Variants in DIP2C observed in about 807,000 individuals in gnomAD.
DIP2C encodes the protein DIP2 acetate--CoA ligase C (putative).
DIP2C carries 33 observed loss-of-function variants against 192.4 expected under a neutral mutation model. The observed-to-expected ratio is 0.17, with a 90% CI of 0.13 to 0.23. The LOEUF (loss-of-function observed/expected upper bound fraction) is 0.23, where lower values mean the gene tolerates loss of function less well. Ranked by LOEUF, DIP2C falls within the 10% of genes least tolerant of loss-of-function variation. The pLI, the probability that DIP2C is intolerant of heterozygous loss-of-function variation, is 1.00. For missense variants in DIP2C, 1,537 were observed against 2,110.1 expected, an observed-to-expected ratio of 0.73 and a Z score of 5.32; for synonymous variants, 979 against 864.1, an observed-to-expected ratio of 1.13 and a Z score of -2.33.
chr10:364,603 C>CA (rs1430592465), intron 19 of DIP2C, 21 bp from the exon 20 acceptor site: 1 of 1,610,168 alleles, frequency 6.2e-7, no homozygotes, highest in East Asian at 2.2e-5. Flanking sequence ...CAGCATCCAT[C>CA]AGGCCACTGT....
At chr10:329,208 G>T (rs538760461) in intron 30 of DIP2C, among the ~76,000 whole-genome samples, 1 of 152,314 alleles carries the variant, frequency 6.6e-6, no homozygotes, top group East Asian at 1.9e-4. Context: ...GACAGGCATT[G>T]AAAATATTTT....
intron 5 of DIP2C, among the ~76,000 whole-genome samples, chr10:421,343 A>G (rs1039713656): frequency 6.6e-6 from 1 of 152,206 alleles, no homozygotes; most frequent in Non-Finnish European, 1.5e-5. Flanking sequence ...GTTCAAAAAT[A>G]TGTGTTTTCC....
At chr10:532,648 TGTGAGAGAGAGTATGGGTGTGA>T (rs1847456659) in intron 1 of DIP2C, among the ~76,000 whole-genome samples, 1 of 99,350 alleles carries the variant, frequency 1.0e-5, no homozygotes, top group African/African-American at 5.2e-5. Flanking sequence ...AGAGTATGGG[TGTGAGAGAGAGTATGGGTGTGA>T]GAGAGAGTAT....
At position 538,526 on chromosome 10, in the gene DIP2C, G is replaced by C. The variant is rs562822748; in HGVS notation, c.86-51996C>G. ...GACTCTTCCAGTCCGGACCGTACAG[G>C]GGCTAGGGTGAGAGAGGGATGGTTC... On this transcript the variant is annotated intron_variant, in intron 1 of 36. Transcript: ENST00000280886. Among the ~76,000 whole-genome samples, 12 of 152,276 alleles carry C rather than the reference G, an allele frequency of 7.9e-5. No individual in the cohort carries two copies. In the South Asian group the frequency reaches 1.2e-3, roughly 16 times the overall value.
intron 1 of DIP2C, among the ~76,000 whole-genome samples, chr10:505,665 CCAGCTGTG>C (rs1845552457): frequency 6.6e-6 from 1 of 150,546 alleles, no homozygotes; most frequent in Non-Finnish European, 1.5e-5. Context: ...AGCCACCTGC[CCAGCTGTG>C]CTTCCTGTGG....
At chr10:546,118 C>T (rs1284673178) in intron 1 of DIP2C, among the ~76,000 whole-genome samples, 2 of 141,794 alleles carry the variant, frequency 1.4e-5, no homozygotes, top group East Asian at 2.0e-4. Flanking sequence ...CCCATCTCTA[C>T]TAAAATAATA....
intron 4 of DIP2C, among the ~76,000 whole-genome samples, chr10:440,110 G>A (rs371483434): frequency 1.2e-4 from 18 of 152,328 alleles, no homozygotes; most frequent in African/African-American, 4.3e-4. Context: ...AAGATCATGA[G>A]ATGTAGTTTA....
intron 4 of DIP2C, among the ~76,000 whole-genome samples, chr10:427,154 G>A (rs748182132): frequency 3.3e-5 from 5 of 152,190 alleles, no homozygotes; most frequent in South Asian, 2.1e-4. Flanking sequence ...GCAGAGCTAC[G>A]TTCCTTCTGG....
intron 1 of DIP2C, among the ~76,000 whole-genome samples, chr10:647,345 G>A (rs560793856): frequency 2.7e-5 from 4 of 150,036 alleles, no homozygotes; most frequent in Admixed American, 1.3e-4. Flanking sequence ...CTGAGTCCAC[G>A]TCCACATTGG....
At chr10:369,204 C>T (rs2132779208) in intron 18 of DIP2C, among the ~76,000 whole-genome samples, 1 of 152,318 alleles carries the variant, frequency 6.6e-6, no homozygotes, top group South Asian at 2.1e-4. Flanking sequence ...GGAAGCTGCC[C>T]AGGCACCAGT....
intron 10 of DIP2C, among the ~76,000 whole-genome samples, chr10:398,807 A>G (rs903283837): frequency 6.6e-6 from 1 of 152,308 alleles, no homozygotes; most frequent in East Asian, 1.9e-4. Context: ...AATAATTAAA[A>G]AAAAACTATC....
At chr10:488,836 CTG>C (rs1232487708) in intron 1 of DIP2C, among the ~76,000 whole-genome samples, 1 of 152,220 alleles carries the variant, frequency 6.6e-6, no homozygotes, top group African/African-American at 2.4e-5. Context: ...TCCCATAGAA[CTG>C]TGCCCCAACC....
chr10:634,996 A>G (rs1854751139), intron 1 of DIP2C, among the ~76,000 whole-genome samples: 1 of 152,308 alleles, frequency 6.6e-6, no homozygotes, highest in East Asian at 1.9e-4. Flanking sequence ...CGCAGACGTC[A>G]GTCTTCCCAA....
intron 1 of DIP2C, among the ~76,000 whole-genome samples, chr10:533,804 T>A (rs1028637900): frequency 1.3e-5 from 2 of 152,074 alleles, no homozygotes; most frequent in Non-Finnish European, 2.9e-5. Flanking sequence ...TGAGGCCGTG[T>A]CACAGATGTG....
intron 5 of DIP2C, among the ~76,000 whole-genome samples, chr10:419,552 G>T (rs757899364): frequency 6.6e-6 from 1 of 152,174 alleles, no homozygotes; most frequent in Non-Finnish European, 1.5e-5. Flanking sequence ...TGCCACAGTC[G>T]ACGCAGCCAA....
intron 31 of DIP2C, among the ~76,000 whole-genome samples, chr10:326,219 CT>C (rs1206819909): frequency 3.9e-5 from 6 of 152,178 alleles, no homozygotes; most frequent in Admixed American, 1.3e-4. Context: ...TCAAGAAAAG[CT>C]TTTTGCAGCT....
chr10:534,892 G>T (rs1847611891), intron 1 of DIP2C, among the ~76,000 whole-genome samples: 1 of 151,770 alleles, frequency 6.6e-6, no homozygotes, highest in Non-Finnish European at 1.5e-5. Flanking sequence ...TAGCCAGGAT[G>T]GTCTCGATCT....
intron 10 of DIP2C, among the ~76,000 whole-genome samples, chr10:391,697 G>A (rs1428933012): frequency 6.6e-6 from 1 of 152,194 alleles, no homozygotes; most frequent in Non-Finnish European, 1.5e-5. Context: ...ACCTAAAAAT[G>A]CCACATTGTA....
At chr10:395,465 G>C (rs750814071) in intron 10 of DIP2C, among the ~76,000 whole-genome samples, 2 of 152,124 alleles carry the variant, frequency 1.3e-5, no homozygotes, top group Non-Finnish European at 2.9e-5. Context: ...ATCAAGTCAC[G>C]GTGTCTTTAG....
Sources: gnomAD v4.1 joint callset for allele counts (sites outside exome capture counted in the v4.1 genomes callset) on GRCh38, gnomAD v4.1.1 for gene constraint, MANE v1.5 for transcripts, NCBI Gene and HGNC (gene_info 2026-07-23, HGNC 2026-07-21) for gene names.